Variants in TENM1 observed in about 807,000 individuals in gnomAD.
TENM1 encodes teneurin-1.
Under a neutral mutation model 174.8 loss-of-function variants are expected in TENM1, and 35 were observed. The ratio of observed to expected loss-of-function variants is 0.20; its 90% CI spans 0.15 to 0.27. The LOEUF (loss-of-function observed/expected upper bound fraction) is 0.27. TENM1 is among the 10% of genes least tolerant of loss of function. The probability of loss-of-function intolerance (pLI) is 1.00; values close to 1 mark genes in which losing one functional copy is unlikely to be tolerated. For missense variants in TENM1, 1,633 were observed against 2,130.1 expected (o/e 0.77, Z 4.59); for synonymous variants, 781 against 798.7 (o/e 0.98, Z 0.37).
At chrX:124,515,319 A>G (rs996206768) in intron 18 of TENM1, among the ~76,000 whole-genome samples, 1 of 111,673 alleles carries the variant, frequency 9.0e-6, no homozygotes, top group Non-Finnish European at 1.9e-5. Flanking sequence ...CATCAGTCCT[A>G]TTCAACATAG....
chrX:124,472,383 G>GT (rs374842150), intron 22 of TENM1, among the ~76,000 whole-genome samples: 8,412 of 78,172 alleles, frequency 0.11, 490 homozygotes, highest in Non-Finnish European at 0.12. Flanking sequence ...GTACTCCTGG[G>GT]TTTTTTTTTT....
intron 3 of TENM1, among the ~76,000 whole-genome samples, chrX:124,837,103 T>C (rs112294150): frequency 0.016 from 1,829 of 112,433 alleles, 40 homozygotes; most frequent in African/African-American, 0.056. Context: ...TCTTTTTTCT[T>C]TTGAGACAGA....
At chrX:125,083,533 C>A in the TENM1 span, among the ~76,000 whole-genome samples, 1 of 110,404 alleles carries the variant, frequency 9.1e-6, no homozygotes, top group Non-Finnish European at 1.9e-5. Context: ...ATCATACACA[C>A]ACATATGTTA....
intron 3 of TENM1, among the ~76,000 whole-genome samples, chrX:124,855,289 A>G (rs1477082948): frequency 1.8e-5 from 2 of 111,656 alleles, no homozygotes; most frequent in Non-Finnish European, 3.8e-5. Context: ...CTACACTTTT[A>G]TTTATAATTT....
At chrX:124,425,354 A>G (rs1430194323) in intron 23 of TENM1, among the ~76,000 whole-genome samples, 1 of 112,093 alleles carries the variant, frequency 8.9e-6, no homozygotes, top group Non-Finnish European at 1.9e-5. Flanking sequence ...TCATTCTGAT[A>G]ACAGCCATTC....
intron 23 of TENM1, among the ~76,000 whole-genome samples, chrX:124,432,622 C>T (rs1047854096): frequency 3.6e-5 from 4 of 111,479 alleles, no homozygotes; most frequent in Admixed American, 9.6e-5. Flanking sequence ...GATGGGGTTT[C>T]GCCATGTTGG....
the TENM1 span, among the ~76,000 whole-genome samples, chrX:125,087,893 C>A: frequency 1.8e-5 from 2 of 111,327 alleles, no homozygotes; most frequent in African/African-American, 6.5e-5. Context: ...GTGAAGCAGT[C>A]CAAATAATTT....
chrX:125,023,619 A>T, the TENM1 span, among the ~76,000 whole-genome samples: 2 of 97,042 alleles, frequency 2.1e-5, no homozygotes, highest in African/African-American at 8.8e-5. Context: ...GAAGAATCTT[A>T]AAAAAAAAAA....
At chrX:124,738,959 T>C (rs1489185645) in intron 3 of TENM1, among the ~76,000 whole-genome samples, 3 of 112,489 alleles carry the variant, frequency 2.7e-5, no homozygotes, top group African/African-American at 9.7e-5. Flanking sequence ...ATGAGTTCTC[T>C]TTTCCTTCAT....
At chrX:124,895,474 C>A (rs1447789383) in intron 2 of TENM1, among the ~76,000 whole-genome samples, 2 of 111,868 alleles carry the variant, frequency 1.8e-5, no homozygotes, top group Non-Finnish European at 3.8e-5. Context: ...GGATGATGTT[C>A]ATTCACCTTC....
At chrX:124,730,036 A>G (rs1456643437) in intron 4 of TENM1, among the ~76,000 whole-genome samples, 1 of 110,218 alleles carries the variant, frequency 9.1e-6, no homozygotes, top group African/African-American at 3.3e-5. Flanking sequence ...CACCTGGCTA[A>G]TTATTGTAGT....
chrX:125,076,563 C>A, the TENM1 span, among the ~76,000 whole-genome samples: 1 of 111,084 alleles, frequency 9.0e-6, no homozygotes, highest in African/African-American at 3.3e-5. Flanking sequence ...TACTATTGTG[C>A]TGTGTGCATT....
At chrX:125,046,862 G>A in the TENM1 span, among the ~76,000 whole-genome samples, 2 of 80,113 alleles carry the variant, frequency 2.5e-5, no homozygotes, top group African/African-American at 5.8e-5. Flanking sequence ...GCATGCGTGT[G>A]TGTGTGTGTG....
intron 11 of TENM1, among the ~76,000 whole-genome samples, chrX:124,635,704 T>C (rs996584396): frequency 4.4e-5 from 5 of 112,573 alleles, no homozygotes; most frequent in African/African-American, 1.6e-4. Context: ...TCAAAGACTA[T>C]GTGACCAGGA....
intron 1 of TENM1, among the ~76,000 whole-genome samples, chrX:124,898,379 T>C (rs1312277076): frequency 1.8e-5 from 2 of 111,015 alleles, no homozygotes; most frequent in Admixed American, 9.7e-5. Context: ...TTACCACAGA[T>C]TTTGCTGCAT....
chrX:124,539,672 G>A (rs1030884350), intron 15 of TENM1, among the ~76,000 whole-genome samples: 7 of 110,801 alleles, frequency 6.3e-5, no homozygotes, highest in Middle Eastern at 4.3e-3. Flanking sequence ...TCTTTTGGAT[G>A]ATTGTTTTTT....
At chrX:124,493,633 G>A (rs988630342) in intron 20 of TENM1, among the ~76,000 whole-genome samples, 1 of 111,017 alleles carries the variant, frequency 9.0e-6, no homozygotes, top group Non-Finnish European at 1.9e-5. Flanking sequence ...AGCATCCCTA[G>A]GGTTTTGAAA....
chrX:124,906,213 A>G (rs1221188472), intron 1 of TENM1, among the ~76,000 whole-genome samples: 2 of 112,163 alleles, frequency 1.8e-5, no homozygotes, highest in African/African-American at 6.5e-5. Context: ...AGTGCTGACT[A>G]TCTCATGTAA....
intron 3 of TENM1, among the ~76,000 whole-genome samples, chrX:124,832,861 C>A (rs977671049): frequency 1.8e-5 from 2 of 112,326 alleles, no homozygotes; most frequent in African/African-American, 3.2e-5. Context: ...AACTGTGAGC[C>A]ACCACAGCCA....
Sources: allele counts gnomAD v4.1 joint callset (sites outside exome capture counted in the v4.1 genomes callset), GRCh38; gene constraint gnomAD v4.1.1; transcripts MANE v1.5; gene names NCBI Gene and HGNC (gene_info 2026-07-23, HGNC 2026-07-21).